The following SPIRE1 variants were observed in gnomAD, a reference collection of about 807,000 sequenced individuals.
SPIRE1 encodes spire type actin nucleation factor 1, also known as protein spire homolog 1.
A neutral mutation model predicts 94.1 loss-of-function variants in SPIRE1; 40 were observed. That is an observed-to-expected ratio of 0.43 (90% confidence interval 0.33 to 0.55). SPIRE1 has a LOEUF of 0.55. SPIRE1 is among the 20% of genes least tolerant of loss of function. The probability of loss-of-function intolerance (pLI) is 0.06; values close to 1 mark genes in which losing one functional copy is unlikely to be tolerated. For missense variants in SPIRE1, 838 were observed against 975.2 expected (o/e 0.86, Z 1.87); for synonymous variants, 376 against 371.7 (o/e 1.01, Z -0.13).
upstream of SPIRE1, among the ~76,000 whole-genome samples, chr18:12,660,755 C>CT (rs557539097): frequency 3.0e-3 from 434 of 147,026 alleles, no homozygotes; most frequent in African/African-American, 0.01. Flanking sequence ...AACAGAAGGG[C>CT]TTTTTTTTTT....
chr18:12,465,089 A>C, intron 10 of SPIRE1, 131 bp from the exon 11 acceptor site: 1 of 727,336 alleles, frequency 1.4e-6, no homozygotes, highest in Non-Finnish European at 2.3e-6. Context: ...AAGGCAAGCA[A>C]AAGACAAACT....
chr18:12,628,364 T>C (rs2037687830), intron 2 of SPIRE1, among the ~76,000 whole-genome samples: 2 of 152,146 alleles, frequency 1.3e-5, no homozygotes, highest in South Asian at 2.1e-4. Flanking sequence ...GTTATAGATG[T>C]GTGGTGTTAT....
At chr18:12,458,073 T>C (rs1198221567) in intron 12 of SPIRE1, among the ~76,000 whole-genome samples, 2 of 151,022 alleles carry the variant, frequency 1.3e-5, no homozygotes, top group Non-Finnish European at 3.0e-5. Context: ...CTCGATCTCC[T>C]GACCTCATGA....
chr18:12,624,070 C>T (rs368885774), intron 2 of SPIRE1, among the ~76,000 whole-genome samples: 94 of 151,324 alleles, frequency 6.2e-4, no homozygotes, highest in African/African-American at 2.1e-3. Context: ...ATTACAGGCA[C>T]GTGTCACCAC....
intron 1 of SPIRE1, among the ~76,000 whole-genome samples, chr18:12,655,249 A>G (rs932837892): frequency 4.6e-5 from 7 of 151,266 alleles, no homozygotes; most frequent in Non-Finnish European, 7.4e-5. Context: ...AAGAAAAGAA[A>G]AAGAGAGAGA....
At chr18:12,537,648 T>A (rs1424492945) in intron 3 of SPIRE1, among the ~76,000 whole-genome samples, 3 of 152,186 alleles carry the variant, frequency 2.0e-5, no homozygotes, top group Non-Finnish European at 4.4e-5. Context: ...CTAGAGTTCA[T>A]AAGCAATTTC....
intron 2 of SPIRE1, among the ~76,000 whole-genome samples, chr18:12,623,528 A>G (rs781043689): frequency 6.6e-6 from 1 of 152,196 alleles, no homozygotes; most frequent in East Asian, 1.9e-4. Context: ...CCCTTCCCAC[A>G]CAGATCCCAT....
At chr18:12,494,140 CG>C (rs1200668146) in intron 7 of SPIRE1, among the ~76,000 whole-genome samples, 2 of 151,930 alleles carry the variant, frequency 1.3e-5, no homozygotes, top group Non-Finnish European at 2.9e-5. Flanking sequence ...TTTGAATTCC[CG>C]GGCCCAAGCA....
Position 12,546,893 on chromosome 18 carries a change from A to C in SPIRE1, c.384T>G (p.Ser128=). The C allele has an allele frequency of 6.2e-7, 1 of 1,611,942 alleles. No homozygotes were observed. The highest frequency in any genetic ancestry group is 8.5e-7 in the Non-Finnish European group (1 of 1,178,406). The change falls in exon 3 of 17, where the codon TCT becomes TCG. Residue 128 remains serine (S), a synonymous_variant. Coordinates refer to ENST00000409402, the MANE Select transcript of SPIRE1 (RefSeq NM_001128626.2). ...GTGCTTTATAAATAATAATTCCCAA[A>C]GATTCAATGACCTAGGAACATTTAA... is the stretch of plus-strand genomic sequence containing the variant. ...SQCMETEVIE[S]LGIIIYKALD...
intron 1 of SPIRE1, chr18:12,653,037 A>AAC (rs1218611340): frequency 1.3e-5 from 2 of 152,186 alleles, no homozygotes; most frequent in African/African-American, 4.8e-5. Context: ...CTCTACCCTG[A>AAC]ACACAATCCT....
At chr18:12,507,703 A>C (rs559038349) in intron 5 of SPIRE1, among the ~76,000 whole-genome samples, 1 of 151,926 alleles carries the variant, frequency 6.6e-6, no homozygotes, top group East Asian at 1.9e-4. Flanking sequence ...TGTCTCAAAA[A>C]ATAAAAAAAA....
At chr18:12,489,222 C>A (rs919097168) in intron 8 of SPIRE1, among the ~76,000 whole-genome samples, 1 of 152,028 alleles carries the variant, frequency 6.6e-6, no homozygotes, top group African/African-American at 2.4e-5. Context: ...GAACTTATCT[C>A]GGAAAAGTTT....
intron 2 of SPIRE1, among the ~76,000 whole-genome samples, chr18:12,605,939 G>A (rs1362331201): frequency 6.6e-6 from 1 of 152,048 alleles, no homozygotes; most frequent in Admixed American, 6.6e-5. Flanking sequence ...CCTCCTTCAT[G>A]TTCTTGGTCC....
At chr18:12,513,589 T>G (rs1266279429) in intron 4 of SPIRE1, among the ~76,000 whole-genome samples, 1 of 151,914 alleles carries the variant, frequency 6.6e-6, no homozygotes, top group Non-Finnish European at 1.5e-5. Flanking sequence ...AATGGTGCAA[T>G]CTCAGCTCAC....
At chr18:12,644,001 C>A (rs1166433857) in intron 1 of SPIRE1, among the ~76,000 whole-genome samples, 1 of 146,138 alleles carries the variant, frequency 6.8e-6, no homozygotes, top group African/African-American at 2.6e-5. Flanking sequence ...TGAGACCAGC[C>A]TGGCCAACAT....
Position 12,543,342 on chromosome 18 carries a change from C to T in SPIRE1, c.603+3332G>A, listed in dbSNP as rs535065843. Among the ~76,000 whole-genome samples, 53 of 152,272 alleles carry T rather than the reference C, an allele frequency of 3.5e-4. No homozygotes were observed. The South Asian group carries it at 9.3e-3, about 27-fold the overall frequency. The stretch of plus-strand genomic sequence containing the variant: ...CTGTGTCACCCAGGCTTGAGTGCAA[C>T]GGCACCATTACTGCCCACTGCAGCC... On this transcript the variant is annotated intron_variant, in intron 3 of 16. Coordinates refer to ENST00000409402, the MANE Select transcript of SPIRE1 (RefSeq NM_001128626.2).
intron 2 of SPIRE1, among the ~76,000 whole-genome samples, chr18:12,590,031 G>A (rs756965429): frequency 2.0e-5 from 3 of 148,224 alleles, no homozygotes; most frequent in Non-Finnish European, 3.0e-5. Context: ...ATCTTGCCTA[G>A]TAACATTTTT....
intron 11 of SPIRE1, among the ~76,000 whole-genome samples, chr18:12,464,003 C>G (rs1440273172): frequency 1.3e-5 from 2 of 152,114 alleles, no homozygotes; most frequent in African/African-American, 4.8e-5. Context: ...ATTTTGAAAA[C>G]AAAAGGAGAA....
chr18:12,455,883 C>A (rs1186299924), intron 12 of SPIRE1, among the ~76,000 whole-genome samples: 1 of 152,166 alleles, frequency 6.6e-6, no homozygotes, highest in Non-Finnish European at 1.5e-5. Context: ...ACAATCAGTT[C>A]TGTCTTTCAA....
Sources: gnomAD v4.1 joint callset for allele counts (sites outside exome capture counted in the v4.1 genomes callset) on GRCh38, gnomAD v4.1.1 for gene constraint, MANE v1.5 for transcripts, NCBI Gene and HGNC (gene_info 2026-07-23, HGNC 2026-07-21) for gene names.